The following MTMR2 variants were observed in gnomAD, a reference collection of about 807,000 sequenced individuals.
The protein encoded by MTMR2 is myotubularin related protein 2.
Under a neutral mutation model 86.9 loss-of-function variants are expected in MTMR2, and 55 were observed. That is an observed-to-expected ratio of 0.63 (90% CI 0.51 to 0.79). MTMR2 has a LOEUF of 0.79. Among genes scored for constraint, MTMR2 ranks in the 30% least tolerant of loss-of-function variants. The pLI is 0.00. For missense variants in MTMR2, 659 were observed against 772.3 expected (o/e 0.85, Z 1.74); for synonymous variants, 241 against 266.8 (o/e 0.90, Z 0.94).
intron 1 of MTMR2, chr11:95,907,935 G>A (rs1382871074): frequency 4.9e-6 from 2 of 410,542 alleles, no homozygotes; most frequent in East Asian, 7.6e-5. Context: ...TTAAGAAACA[G>A]AAAAAGACAA....
intron 1 of MTMR2, chr11:95,907,950 GC>G: frequency 2.5e-6 from 1 of 403,268 alleles, no homozygotes; most frequent in Non-Finnish European, 4.9e-6. Context: ...AGACAAGAAT[GC>G]CCACTGTCAT....
At chr11:95,854,505 C>T (rs1864138877) in intron 7 of MTMR2, among the ~76,000 whole-genome samples, 1 of 152,164 alleles carries the variant, frequency 6.6e-6, no homozygotes, top group Non-Finnish European at 1.5e-5. Flanking sequence ...CTGCACTCTT[C>T]ACCAGGCTGG....
chr11:95,894,063 C>T (rs1339474096), intron 1 of MTMR2, among the ~76,000 whole-genome samples: 1 of 152,128 alleles, frequency 6.6e-6, no homozygotes, highest in Non-Finnish European at 1.5e-5. Context: ...GTAGTTTTTA[C>T]TCATCTGGAA....
In MTMR2 at chr11:95,853,247, C is replaced by T. The variant is rs566649698; in HGVS notation, c.655-2498G>A. Among the ~76,000 whole-genome samples, 39 of 151,902 alleles carry T rather than the reference C, an allele frequency of 2.6e-4. 1 individual carries two copies. The highest frequency in any genetic ancestry group is 2.3e-3 in the South Asian group (11 of 4,808). Reference sequence around the variant, plus strand: ...TGGTTATCATCTTTAACTCCTCCCCCTCCCTTATCCCTTACATCCAGTCAG... The same window carrying T: ...TGGTTATCATCTTTAACTCCTCCCCTTCCCTTATCCCTTACATCCAGTCAG... On this transcript the variant is annotated intron_variant, in intron 7 of 14. Transcript: ENST00000346299.
chr11:95,855,939 T>G (rs990484910), intron 7 of MTMR2, among the ~76,000 whole-genome samples: 1 of 152,118 alleles, frequency 6.6e-6, no homozygotes, highest in South Asian at 2.1e-4. Flanking sequence ...AATTGCACAA[T>G]TTCGTGAATA....
In MTMR2 at chr11:95,835,088, A is replaced by G. The variant is rs1054663282; in HGVS notation, c.*202T>C. The G allele has an allele frequency of 5.1e-6, 3 of 584,124 alleles. No homozygotes were observed. The African/African-American group carries it at 5.6e-5, about 11-fold the overall frequency. 36.2% of individuals were successfully genotyped at this position (584,124 alleles called of 1,614,324 possible). On this transcript the variant is annotated 3_prime_UTR_variant, in exon 15 of 15. Transcript: ENST00000346299. ...GGATACTTAAAAGATTAGTATCATA[A>G]TCATGTAATTACATATGGAGTTACT...
chr11:95,838,014 A>G (rs1863360020), intron 13 of MTMR2, 80 bp downstream of exon 13: 1 of 907,334 alleles, frequency 1.1e-6, no homozygotes, highest in Non-Finnish European at 1.8e-6. Context: ...ACTTCAGTTG[A>G]AATCTGTCAC....
intron 2 of MTMR2, 94 bp from the exon 3 acceptor site, chr11:95,865,770 T>C (rs1864592374): frequency 3.1e-6 from 3 of 974,632 alleles, no homozygotes; most frequent in Non-Finnish European, 4.9e-6. Flanking sequence ...CTTGAAGTTA[T>C]AACATCATAT....
chr11:95,834,189 A>G lies in MTMR2; in HGVS notation c.*1101T>C, dbSNP rs189320026. ...ACATATGGCTCTTATGTAGAATAAA[A>G]TAGACATCAGAGTCAAATGTTTCTA... On this transcript the variant is annotated 3_prime_UTR_variant, in exon 15 of 15. Coordinates refer to ENST00000346299, the MANE Select transcript of MTMR2 (RefSeq NM_016156.6). 1 of 152,702 alleles carries G rather than the reference A, an allele frequency of 6.5e-6. No homozygotes were observed. The highest frequency in any genetic ancestry group is 1.9e-4 in the East Asian group (1 of 5,188). 9.5% of individuals were successfully genotyped at this position (152,702 alleles called of 1,614,324 possible). A position where few individuals can be genotyped will look rare whatever the true frequency, so the allele number is the denominator to read the frequency against.
chr11:95,848,729 A>G (rs1205719743), intron 9 of MTMR2, among the ~76,000 whole-genome samples: 1 of 152,200 alleles, frequency 6.6e-6, no homozygotes, highest in African/African-American at 2.4e-5. Context: ...GAAACAACAA[A>G]ACCACCAACT....
chr11:95,871,360 G>A (rs1864875352), intron 2 of MTMR2, among the ~76,000 whole-genome samples: 1 of 152,186 alleles, frequency 6.6e-6, no homozygotes, highest in African/African-American at 2.4e-5. Context: ...CACCAACAGT[G>A]TAAAAGTGTT....
At chr11:95,840,296 G>A (rs1273453363) in intron 12 of MTMR2, among the ~76,000 whole-genome samples, 1 of 152,074 alleles carries the variant, frequency 6.6e-6, no homozygotes, top group African/African-American at 2.4e-5. Flanking sequence ...CTCCTTTGAT[G>A]GCGAATTTTA....
At chr11:95,857,321 T>C (rs1214509894) in intron 7 of MTMR2, among the ~76,000 whole-genome samples, 1 of 152,012 alleles carries the variant, frequency 6.6e-6, no homozygotes, top group African/African-American at 2.4e-5. Flanking sequence ...CTATTTTAGG[T>C]GGGGCTTAAG....
intron 1 of MTMR2, among the ~76,000 whole-genome samples, chr11:95,910,313 TC>T (rs1247549289): frequency 1.3e-5 from 2 of 152,094 alleles, no homozygotes; most frequent in Non-Finnish European, 2.9e-5. Flanking sequence ...TACTTTATTG[TC>T]AATCACAGCA....
In MTMR2 at chr11:95,862,264, A is replaced by T; in HGVS notation, c.357+8T>A. On this transcript the variant is annotated splice_region_variant and intron_variant, in intron 4 of 14. Transcript: ENST00000346299. ...CATGTACATACAAAAATCTAATCTG[A>T]CTCTTACCCGTTCCATGCTTTTGAA... The T allele has an allele frequency of 6.3e-7, 1 of 1,590,042 alleles. No individual in the cohort carries two copies. The highest frequency in any genetic ancestry group is 8.6e-7 in the Non-Finnish European group (1 of 1,161,134).
rs1863144814 is a variant in MTMR2, at chr11:95,834,075, T to G, written c.*1215A>C. On this transcript the variant is annotated 3_prime_UTR_variant, in exon 15 of 15. Coordinates refer to ENST00000346299, the MANE Select transcript of MTMR2 (RefSeq NM_016156.6). ...CTGGGGAAAAAAAAGAAATGGCAAC[T>G]TTGGACAAGAACAAAGTTTAAAAGT... 1 of 152,610 alleles carries G rather than the reference T, an allele frequency of 6.6e-6. No individual in the cohort carries two copies. The highest frequency in any genetic ancestry group is 1.9e-4 in the East Asian group (1 of 5,190). 9.5% of individuals were successfully genotyped at this position (152,610 alleles called of 1,614,324 possible). A position where few individuals can be genotyped will look rare whatever the true frequency, so the allele number is the denominator to read the frequency against.
chr11:95,919,529 C>T (rs898732010), intron 1 of MTMR2, among the ~76,000 whole-genome samples: 2 of 152,114 alleles, frequency 1.3e-5, no homozygotes, highest in Admixed American at 1.3e-4. Flanking sequence ...ATGACAAGAA[C>T]ACACATTAAT....
chr11:95,843,684 T>C (rs1863647532), intron 11 of MTMR2, among the ~76,000 whole-genome samples: 1 of 152,148 alleles, frequency 6.6e-6, no homozygotes, highest in South Asian at 2.1e-4. Flanking sequence ...TAAGCCAAAC[T>C]CATTAAATTT....
intron 1 of MTMR2, among the ~76,000 whole-genome samples, chr11:95,904,144 AAAAC>A (rs952730006): frequency 1.3e-5 from 2 of 152,046 alleles, no homozygotes; most frequent in African/African-American, 4.8e-5. Flanking sequence ...AAAAAAACAA[AAAAC>A]AAACAAACAA....
Sources: allele counts gnomAD v4.1 joint callset (sites outside exome capture counted in the v4.1 genomes callset), GRCh38; gene constraint gnomAD v4.1.1; transcripts MANE v1.5; gene names NCBI Gene and HGNC (gene_info 2026-07-23, HGNC 2026-07-21).